SVIP: variants seen among roughly 807,000 people sequenced by gnomAD.
SVIP encodes small VCP/p97-interacting protein.
Under a neutral mutation model 12.9 loss-of-function variants are expected in SVIP, and 14 were observed. That is an observed-to-expected ratio of 1.08 (90% CI 0.72 to 1.70). SVIP has a LOEUF of 1.70. Ranked by LOEUF, SVIP falls within the 40% of genes most tolerant of loss-of-function variation. SVIP has a pLI of 0.00. For synonymous variants in SVIP, 35 were observed against 33.3 expected (o/e 1.05, Z -0.17); for missense variants, 93 against 90.8 (o/e 1.02, Z -0.10).
intron 3 of SVIP, among the ~76,000 whole-genome samples, chr11:22,824,484 ATG>A (rs1450401383): frequency 7.1e-6 from 1 of 141,174 alleles, no homozygotes; most frequent in Non-Finnish European, 1.5e-5. Context: ...GTATATATAT[ATG>A]TATATATATA....
At chr11:22,824,876 C>T (rs1350396118) in intron 3 of SVIP, among the ~76,000 whole-genome samples, 1 of 152,048 alleles carries the variant, frequency 6.6e-6, no homozygotes, top group Non-Finnish European at 1.5e-5. Context: ...TTGAAAGCTG[C>T]CTATGAAACT....
chr11:22,829,724 C>G lies in SVIP; in HGVS notation c.25G>C (p.Gly9Arg), dbSNP rs199672361. 1.9e-6 allele frequency: 3 copies of G among 1,607,022 alleles called. No homozygotes were observed. The highest frequency in any genetic ancestry group is 2.2e-5 in the South Asian group (2 of 89,664). The change falls in exon 1 of 4, where the codon GGG becomes CGG. Residue 9 changes from glycine (G) to arginine (R), a missense_variant. Coordinates refer to ENST00000354193, the MANE Select transcript of SVIP (RefSeq NM_148893.3). Reference sequence around the variant, plus strand: ...TCCGGCGTGGGAGGCGCGGACTCCCCGGGACAAGGAAAACACAGCCCCATA... The same window carrying G: ...TCCGGCGTGGGAGGCGCGGACTCCCGGGGACAAGGAAAACACAGCCCCATA... Reference protein sequence around the residue: MGLCFPCPGESAPPTPDLE... With the variant: MGLCFPCPRESAPPTPDLE...
intron 3 of SVIP, among the ~76,000 whole-genome samples, chr11:22,823,952 G>C (rs930021549): frequency 6.6e-6 from 1 of 152,062 alleles, no homozygotes; most frequent in African/African-American, 2.4e-5. Flanking sequence ...CTTAACTCCT[G>C]ACCTCAAGTG....
chr11:22,829,786 C>G lies in SVIP; in HGVS notation c.-38G>C. 3.2e-6 allele frequency: 5 copies of G among 1,575,456 alleles called. No individual in the cohort carries two copies. Among genetic ancestry groups the G allele is most frequent in the Non-Finnish European group, 4.3e-6 (5 of 1,160,944 alleles). On this transcript the variant is annotated 5_prime_UTR_variant, in exon 1 of 4. Coordinates refer to ENST00000354193, the MANE Select transcript of SVIP (RefSeq NM_148893.3). ...TTGAGAACCCTGACCGGGTCCGGCC[C>G]AGGCCAGGCGGCGCTAACTGCGCGG...
chr11:22,825,521 A>C (rs1857665204), intron 3 of SVIP, among the ~76,000 whole-genome samples: 1 of 152,170 alleles, frequency 6.6e-6, no homozygotes, highest in South Asian at 2.1e-4. Flanking sequence ...CAAGGTCCTG[A>C]AGGTCATTTT....
rs775484243 is a variant in SVIP at position 22,829,735 on chromosome 11, A to G, written c.14T>C (p.Phe5Ser). The change falls in exon 1 of 4, where the codon TTT becomes TCT. Residue 5 changes from phenylalanine to serine, a missense_variant. Transcript: ENST00000354193. ...AGGCGCGGACTCCCCGGGACAAGGA[A>G]AACACAGCCCCATAGGGACGACAGC... MGLC[F>S]PCPGESAPPT... 6 of 1,607,804 alleles carry G rather than the reference A, an allele frequency of 3.7e-6. No individual in the cohort carries two copies. In the South Asian group the frequency reaches 5.6e-5, roughly 15 times the overall value.
At position 22,823,057 on chromosome 11, in the gene SVIP, G is replaced by A; in HGVS notation, c.*62C>T. Reference sequence around the variant, plus strand: ...AAAGAGAAGAAATTAAATTGATGAAGCCCACTTGATTGCAGATAATAAACA... The same window carrying A: ...AAAGAGAAGAAATTAAATTGATGAAACCCACTTGATTGCAGATAATAAACA... On this transcript the variant is annotated 3_prime_UTR_variant, in exon 4 of 4. Transcript: ENST00000354193. 1 of 1,379,278 alleles carries A rather than the reference G, an allele frequency of 7.3e-7. No homozygotes were observed. The highest frequency in any genetic ancestry group is 1.0e-6 in the Non-Finnish European group (1 of 1,002,170). The allele number at this position is 1,379,278 out of a possible 1,614,324, so 85.4% of individuals were successfully genotyped here.
rs531666687 is a variant in SVIP, at chr11:22,821,399, G to T, written c.*1720C>A. The T allele has an allele frequency of 6.6e-6, 1 of 152,044 alleles. No homozygotes were observed. Among genetic ancestry groups the T allele is most frequent in the African/African-American group, 2.4e-5 (1 of 41,474 alleles). 9.4% of individuals were successfully genotyped at this position (152,044 alleles called of 1,614,324 possible). On this transcript the variant is annotated 3_prime_UTR_variant, in exon 4 of 4. Coordinates refer to ENST00000354193, the MANE Select transcript of SVIP (RefSeq NM_148893.3). The stretch of plus-strand genomic sequence containing the variant: ...GTAATAGATCTGAATATCATTCATG[G>T]TTAACAATAGATAGTGTGACATTTG...
rs371184329 is a variant in SVIP, at chr11:22,829,775, C to T, written c.-27G>A. On this transcript the variant is annotated 5_prime_UTR_variant, in exon 1 of 4. Coordinates refer to ENST00000354193, the MANE Select transcript of SVIP (RefSeq NM_148893.3). Reference sequence around the variant, plus strand: ...GGGACGACAGCTTGAGAACCCTGACCGGGTCCGGCCCAGGCCAGGCGGCGC... The same window carrying T: ...GGGACGACAGCTTGAGAACCCTGACTGGGTCCGGCCCAGGCCAGGCGGCGC... 38 of 1,591,764 alleles carry T rather than the reference C, an allele frequency of 2.4e-5. No individual in the cohort carries two copies. Among genetic ancestry groups the T allele is most frequent in the African/African-American group, 5.4e-5 (4 of 74,064 alleles).
At chr11:22,829,324 G>A (rs1157829532) in intron 1 of SVIP, 2 of 206,938 alleles carry the variant, frequency 9.7e-6, no homozygotes, top group African/African-American at 4.6e-5. Flanking sequence ...AGCTCCCGGA[G>A]AAAGCAATGT....
In SVIP at chr11:22,827,873, T is replaced by G; in HGVS notation, c.56A>C (p.Glu19Ala). Residue 19 changes from glutamate (E) to alanine (A), a missense_variant and splice_region_variant, in exon 2 of 4, where the codon GAA (glutamate) becomes GCA (alanine). Coordinates refer to ENST00000354193, the MANE Select transcript of SVIP (RefSeq NM_148893.3). Reference sequence around the variant, plus strand: ...CTCTGCAAGCTTTGCTCTTTTCTCTTCCTAAATAAATGTGTAAAAATATGT... The same window carrying G: ...CTCTGCAAGCTTTGCTCTTTTCTCTGCCTAAATAAATGTGTAAAAATATGT... Reference protein sequence around the residue: ...GESAPPTPDLEEKRAKLAEAA... With the variant: ...GESAPPTPDLAEKRAKLAEAA... 1 of 1,569,858 alleles carries G rather than the reference T, an allele frequency of 6.4e-7. No homozygotes were observed. Among genetic ancestry groups the G allele is most frequent in the Non-Finnish European group, 8.6e-7 (1 of 1,158,764 alleles).
chr11:22,826,151 A>T (rs1857693149), intron 3 of SVIP, among the ~76,000 whole-genome samples: 1 of 152,202 alleles, frequency 6.6e-6, no homozygotes, highest in Admixed American at 6.5e-5. Flanking sequence ...CCATAAAAAA[A>T]CTTCATAAAT....
chr11:22,827,191 A>G lies in SVIP; in HGVS notation c.219+16T>C, dbSNP rs1305990995. 1.3e-6 allele frequency: 2 copies of G among 1,590,144 alleles called. No individual in the cohort carries two copies. Among genetic ancestry groups the G allele is most frequent in the Admixed American group, 3.4e-5 (2 of 58,626 alleles). ...ATGCCAGTTAAGTTAATCACTAAGA[A>G]AATTTTAATACTTACCCTAAGTCCA... is the stretch of plus-strand genomic sequence containing the variant. On this transcript the variant is annotated intron_variant, in intron 3 of 3. Coordinates refer to ENST00000354193, the MANE Select transcript of SVIP (RefSeq NM_148893.3).
chr11:22,827,302 A>C lies in SVIP; in HGVS notation c.124T>G (p.Leu42Val). The stretch of plus-strand genomic sequence containing the variant: ...TTTTCTTGCACAGATTGAACATCTA[A>C]AATTCCCCGAGATGCAGCCTTGAAG... Reference protein sequence around the residue: ...RQKEAASRGILDVQSVQEKRK... With the variant: ...RQKEAASRGIVDVQSVQEKRK... The change falls in exon 3 of 4, where the codon TTA becomes GTA. Residue 42 changes from leucine (L) to valine (V), a missense_variant. Physicochemically the swap from Leu to Val is conservative, Grantham distance 32. Coordinates refer to ENST00000354193, the MANE Select transcript of SVIP (RefSeq NM_148893.3). The C allele has an allele frequency of 6.3e-7, 1 of 1,598,252 alleles. No homozygotes were observed. The highest frequency in any genetic ancestry group is 8.5e-7 in the Non-Finnish European group (1 of 1,174,848).
At position 22,823,154 on chromosome 11, in the gene SVIP, A is replaced by G. The variant is rs751862596; in HGVS notation, c.220-21T>C. On this transcript the variant is annotated intron_variant, in intron 3 of 3. Coordinates refer to ENST00000354193, the MANE Select transcript of SVIP (RefSeq NM_148893.3). ...GTCCACTAGAAAAGATAAAAAAGAG[A>G]CAGAAAAGTAAATTTTACTTGAAGT... 14 of 1,570,188 alleles carry G rather than the reference A, an allele frequency of 8.9e-6. No individual in the cohort carries two copies. The African/African-American group carries it at 1.6e-4, about 18-fold the overall frequency.
In SVIP at chr11:22,823,073, A is replaced by G. The variant is rs199547968; in HGVS notation, c.*46T>C. 3.3e-6 allele frequency: 5 copies of G among 1,512,672 alleles called. No homozygotes were observed. The highest frequency in any genetic ancestry group is 3.6e-6 in the Non-Finnish European group (4 of 1,113,758). The allele number at this position is 1,512,672 out of a possible 1,614,324, so 93.7% of individuals were successfully genotyped here. A position where few individuals can be genotyped will look rare whatever the true frequency, so the allele number is the denominator to read the frequency against. ...ATTGATGAAGCCCACTTGATTGCAGATAATAAACAGTTATTGGCAGTAGAT... is the reference window on the plus strand; with the variant it reads ...ATTGATGAAGCCCACTTGATTGCAGGTAATAAACAGTTATTGGCAGTAGAT... On this transcript the variant is annotated 3_prime_UTR_variant, in exon 4 of 4. Transcript: ENST00000354193.
Position 22,822,981 on chromosome 11 carries a change from G to C in SVIP, c.*138C>G, listed in dbSNP as rs541859294. On this transcript the variant is annotated 3_prime_UTR_variant, in exon 4 of 4. Coordinates refer to ENST00000354193, the MANE Select transcript of SVIP (RefSeq NM_148893.3). ...AAGCTTGAAAATCAACGTTTTTTTAGCATTGCACTTAAGGGCAATAATATT... is the reference window on the plus strand; with the variant it reads ...AAGCTTGAAAATCAACGTTTTTTTACCATTGCACTTAAGGGCAATAATATT... The C allele has an allele frequency of 1.5e-4, 100 of 651,526 alleles. No homozygotes were observed. In the East Asian group the frequency reaches 3.0e-3, roughly 19 times the overall value. The allele number at this position is 651,526 out of a possible 1,614,324, so 40.4% of individuals were successfully genotyped here. A position where few individuals can be genotyped will look rare whatever the true frequency, so the allele number is the denominator to read the frequency against.
Position 22,819,894 on chromosome 11 carries a change from G to A in SVIP, c.*3225C>T, listed in dbSNP as rs1363549815. 2 of 152,176 alleles carry A rather than the reference G, an allele frequency of 1.3e-5. No individual in the cohort carries two copies. The highest frequency in any genetic ancestry group is 4.8e-5 in the African/African-American group (2 of 41,444). The allele number at this position is 152,176 out of a possible 1,614,324, so 9.4% of individuals were successfully genotyped here. A position where few individuals can be genotyped will look rare whatever the true frequency, so the allele number is the denominator to read the frequency against. ...GTAGGCAATAGTTATCACATTCAAAGTCAATATTTGCAAGATGAAGCATAA... is the reference window on the plus strand; with the variant it reads ...GTAGGCAATAGTTATCACATTCAAAATCAATATTTGCAAGATGAAGCATAA... On this transcript the variant is annotated 3_prime_UTR_variant, in exon 4 of 4. Coordinates refer to ENST00000354193, the MANE Select transcript of SVIP (RefSeq NM_148893.3).
chr11:22,823,691 G>T (rs536141956), intron 3 of SVIP, among the ~76,000 whole-genome samples: 2 of 152,254 alleles, frequency 1.3e-5, no homozygotes, highest in South Asian at 4.1e-4. Flanking sequence ...TTGCCAATCT[G>T]TAAGTAATAA....
Sources: allele counts gnomAD v4.1 joint callset (sites outside exome capture counted in the v4.1 genomes callset), GRCh38; gene constraint gnomAD v4.1.1; transcripts MANE v1.5; gene names NCBI Gene and HGNC (gene_info 2026-07-23, HGNC 2026-07-21).